The following DIDO1 variants were observed in gnomAD, a reference collection of about 807,000 sequenced individuals.
DIDO1 encodes the protein death inducer-obliterator 1.
A neutral mutation model predicts 99.4 loss-of-function variants in DIDO1; 16 were observed. The observed-to-expected ratio is 0.16, with a 90% CI of 0.11 to 0.24. DIDO1 has a LOEUF of 0.24. DIDO1 is among the 10% of genes least tolerant of loss of function. The probability of loss-of-function intolerance (pLI) is 1.00; values close to 1 mark genes in which losing one functional copy is unlikely to be tolerated. For synonymous variants in DIDO1, 1,366 were observed against 1,239.1 expected (o/e 1.10, Z -2.15); for missense variants, 2,996 against 3,014.0 (o/e 0.99, Z 0.14).
intron 1 of DIDO1, among the ~76,000 whole-genome samples, chr20:62,919,244 C>T (rs565149463): frequency 6.1e-4 from 93 of 152,228 alleles, no homozygotes; most frequent in African/African-American, 1.9e-3. Flanking sequence ...CAAATAATAC[C>T]GTCATTACAA....
intron 3 of DIDO1, 129 bp from the exon 4 acceptor site, chr20:62,910,149 G>A (rs1236758279): frequency 9.8e-6 from 10 of 1,021,856 alleles, no homozygotes; most frequent in South Asian, 1.7e-5. Flanking sequence ...GATTAAGAAC[G>A]TCCTCATGCC....
intron 15 of DIDO1, chr20:62,890,188 C>G: frequency 2.0e-6 from 2 of 985,930 alleles, no homozygotes; most frequent in Non-Finnish European, 2.4e-6. Flanking sequence ...GATCCACACA[C>G]CCGCTTTGAG....
At chr20:62,887,931 G>A in intron 15 of DIDO1, 1 of 985,502 alleles carries the variant, frequency 1.0e-6, no homozygotes, top group Non-Finnish European at 1.2e-6. Context: ...AGGGGCAGAG[G>A]AAGACAACCC....
At chr20:62,926,378 GGGCGGCCCAAGC>G (rs1346151478) in intron 1 of DIDO1, 49 bp downstream of exon 1, 7 of 152,050 alleles carry the variant, frequency 4.6e-5, no homozygotes, top group African/African-American at 1.4e-4. Context: ...CCGCTCCCGA[GGGCGGCCCAAGC>G]GGCGGCCGGC....
intron 4 of DIDO1, among the ~76,000 whole-genome samples, 182 bp from the exon 5 acceptor site, chr20:62,907,541 T>G (rs1431984312): frequency 6.6e-6 from 1 of 152,254 alleles, no homozygotes; most frequent in African/African-American, 2.4e-5. Context: ...AGGTAAGGCA[T>G]TCACACTGTC....
chr20:62,907,872 C>G (rs2064841698), intron 4 of DIDO1, among the ~76,000 whole-genome samples: 1 of 152,244 alleles, frequency 6.6e-6, no homozygotes, highest in African/African-American at 2.4e-5. Context: ...TGGCTAGGAT[C>G]TGAGGGCAAG....
chr20:62,898,779 A>G (rs1366570501), intron 6 of DIDO1, among the ~76,000 whole-genome samples: 2 of 152,274 alleles, frequency 1.3e-5, no homozygotes, highest in African/African-American at 4.8e-5. Flanking sequence ...CTAACACGAC[A>G]GGAACAAAGG....
At chr20:62,889,225 G>GC in intron 15 of DIDO1, 1 of 985,606 alleles carries the variant, frequency 1.0e-6, no homozygotes, top group Admixed American at 6.1e-5. Flanking sequence ...CTTTCCCTCT[G>GC]CCCCGGGGCT....
chr20:62,930,196 C>T (rs1277029647), upstream of DIDO1, among the ~76,000 whole-genome samples: 1 of 150,274 alleles, frequency 6.7e-6, no homozygotes, highest in Non-Finnish European at 1.5e-5. Context: ...CAGCGAGACT[C>T]CGTCTCAAAG....
In DIDO1 at chr20:62,879,024, A is replaced by T; in HGVS notation, c.*209T>A. The T allele has an allele frequency of 2.1e-6, 1 of 467,188 alleles. No homozygotes were observed. 28.9% of individuals were successfully genotyped at this position (467,188 alleles called of 1,614,324 possible). On this transcript the variant is annotated 3_prime_UTR_variant, in exon 16 of 16. Transcript: ENST00000395343. The surrounding 1 kb of genome is among the most constrained non-coding windows in gnomAD (Gnocchi z 6.3). ...AATTTCCCATTTCTTTTAATTTTAA[A>T]TGGAAATATTAAAGTTTAGTTTTTT...
chr20:62,918,690 C>A (rs978427905), intron 1 of DIDO1, among the ~76,000 whole-genome samples: 1 of 152,200 alleles, frequency 6.6e-6, no homozygotes, highest in African/African-American at 2.4e-5. Context: ...TTTAACCCGC[C>A]AGTCAGAAAT....
chr20:62,930,165 G>A (rs988924859), upstream of DIDO1, among the ~76,000 whole-genome samples: 1 of 151,482 alleles, frequency 6.6e-6, no homozygotes, highest in Non-Finnish European at 1.5e-5. Flanking sequence ...GCTTGAACCC[G>A]CTGCACTCCA....
rs1269300271 is a variant in DIDO1, at chr20:62,882,471, A to G, written c.3542-57T>C. On this transcript the variant is annotated intron_variant, in intron 15 of 15. Transcript: ENST00000395343. ...AATCTAAATCCAGCTTTTACCCTTTAGAGGTGAATTTCATTAAGGGCTTTC... is the reference window on the plus strand; with the variant it reads ...AATCTAAATCCAGCTTTTACCCTTTGGAGGTGAATTTCATTAAGGGCTTTC... 4.6e-6 allele frequency: 7 copies of G among 1,513,964 alleles called. No homozygotes were observed. The African/African-American group carries it at 8.4e-5, about 18-fold the overall frequency. 93.8% of individuals were successfully genotyped at this position (1,513,964 alleles called of 1,614,324 possible). A position where few individuals can be genotyped will look rare whatever the true frequency, so the allele number is the denominator to read the frequency against.
Position 62,896,904 on chromosome 20 carries a change from G to T in DIDO1, c.1681C>A (p.Pro561Thr). ...APPGSAVGKQ[P>T]APRNLVPKKS... ...TTTGGCACGAGGTTTCTAGGTGCAG[G>T]CTGCTTGCCCACCGCGGAGCCTGGA... is the stretch of plus-strand genomic sequence containing the variant. The change falls in exon 7 of 16, where the codon CCT becomes ACT. Residue 561 changes from proline to threonine, a missense_variant. Physicochemically the swap from Pro to Thr is conservative, Grantham distance 38 (BLOSUM62 -1). This residue lies in a region of DIDO1 where 898 missense variants were observed against 972.7 expected (regional missense o/e 0.92). Transcript: ENST00000395343. This position sits in a 1 kb window ranked among gnomAD's most constrained non-coding sequence, Gnocchi z 4.4. The T allele has an allele frequency of 1.9e-6, 3 of 1,614,056 alleles. No individual in the cohort carries two copies. Among genetic ancestry groups the T allele is most frequent in the Non-Finnish European group, 2.5e-6 (3 of 1,179,962 alleles).
At chr20:62,932,419 A>T (rs1488197204) in intron 1 of DIDO1, among the ~76,000 whole-genome samples, 1 of 152,276 alleles carries the variant, frequency 6.6e-6, no homozygotes, top group Non-Finnish European at 1.5e-5. Context: ...GTATGTGTGT[A>T]TATTTACATA....
intron 5 of DIDO1, 26 bp from the exon 6 acceptor site, chr20:62,906,126 C>CT (rs2064798661): frequency 2.5e-6 from 4 of 1,591,912 alleles, no homozygotes; most frequent in Non-Finnish European, 8.5e-7. Context: ...AACCCCAAAT[C>CT]ATTAAAAAGG....
rs2147403757 is a variant in DIDO1 at position 62,894,348 on chromosome 20, A to G, written c.2572+65T>C. 1.3e-6 allele frequency: 2 copies of G among 1,592,632 alleles called. No homozygotes were observed. The highest frequency in any genetic ancestry group is 1.7e-6 in the Non-Finnish European group (2 of 1,170,602). ...ACGTGCGGTTGCTTTTAGGAGGTTCAGTGATTTTTAACAAAATCAAGTTTA... is the reference window on the plus strand; with the variant it reads ...ACGTGCGGTTGCTTTTAGGAGGTTCGGTGATTTTTAACAAAATCAAGTTTA... On this transcript the variant is annotated intron_variant, in intron 11 of 15. Coordinates refer to ENST00000395343, the MANE Select transcript of DIDO1 (RefSeq NM_001193369.2). This position sits in a 1 kb window ranked among gnomAD's most constrained non-coding sequence, Gnocchi z 4.4.
At chr20:62,889,910 T>G in intron 15 of DIDO1, 8 of 985,448 alleles carry the variant, frequency 8.1e-6, no homozygotes, top group Non-Finnish European at 8.4e-6. Context: ...AACACAGGCA[T>G]AGGCTGAGCC....
intron 15 of DIDO1, chr20:62,888,717 A>G (rs2064340949): frequency 2.0e-6 from 2 of 985,368 alleles, no homozygotes; most frequent in African/African-American, 1.7e-5. Context: ...CAGGACACAC[A>G]TGTACATGTT....
Sources: allele counts gnomAD v4.1 joint callset (sites outside exome capture counted in the v4.1 genomes callset), GRCh38; gene constraint gnomAD v4.1.1; regional missense constraint gnomAD v4.1.1; non-coding constraint Gnocchi (gnomAD v3.1); transcripts MANE v1.5; gene names NCBI Gene and HGNC (gene_info 2026-07-23, HGNC 2026-07-21).